BBS12: variants seen among roughly 807,000 people sequenced by gnomAD.
The protein encoded by BBS12 is chaperonin-containing T-complex member BBS12.
BBS12 carries 5 observed loss-of-function variants against 5.6 expected under a neutral mutation model. The observed-to-expected ratio is 0.89, with a 90% confidence interval of 0.46 to 1.86. The LOEUF (loss-of-function observed/expected upper bound fraction) is 1.86, where lower values mean the gene tolerates loss of function less well. BBS12 is among the 40% of genes most tolerant of loss of function. The pLI is 0.01. For missense variants in BBS12, 748 were observed against 830.4 expected (o/e 0.90, Z 1.22); for synonymous variants, 308 against 306.8 (o/e 1.00, Z -0.04).
At chr4:122,718,971 C>T in the BBS12 span, among the ~76,000 whole-genome samples, 2 of 152,134 alleles carry the variant, frequency 1.3e-5, no homozygotes, top group East Asian at 1.9e-4. Context: ...AGGCGCCCAC[C>T]ACCATGCCCG....
At chr4:122,717,660 G>A in the BBS12 span, among the ~76,000 whole-genome samples, 1 of 152,148 alleles carries the variant, frequency 6.6e-6, no homozygotes, top group Admixed American at 6.6e-5. Flanking sequence ...CCCCTGAGTA[G>A]CTGGGACCAC....
chr4:122,739,760 G>A (rs1263977971), intron 1 of BBS12, among the ~76,000 whole-genome samples: 1 of 152,236 alleles, frequency 6.6e-6, no homozygotes, highest in African/African-American at 2.4e-5. Flanking sequence ...GCGAAGCTCA[G>A]TGGCAGTCAG....
At chr4:122,711,487 T>C in the BBS12 span, among the ~76,000 whole-genome samples, 14 of 152,202 alleles carry the variant, frequency 9.2e-5, no homozygotes, top group Non-Finnish European at 1.8e-4. Flanking sequence ...TTTGTGTCAT[T>C]TGGTCCCAGC....
In BBS12 at chr4:122,743,685, A is replaced by G. The variant is rs750031373; in HGVS notation, c.1793A>G (p.Tyr598Cys). The change falls in exon 2 of 2, where the codon TAC (tyrosine) becomes TGC (cysteine). Residue 598 changes from tyrosine to cysteine, a missense_variant. By Grantham distance (194) the Tyr-to-Cys change is radical (BLOSUM62 -2). Transcript: ENST00000314218. ...LKFLANGWQKYLSTLLYNTAN... is the reference protein window; with the variant it reads ...LKFLANGWQKCLSTLLYNTAN... ...TTCCTGGCAAATGGATGGCAGAAAT[A>G]CCTTTCAACTCTCCTATATAACACT... 20 of 1,614,082 alleles carry G rather than the reference A, an allele frequency of 1.2e-5. No homozygotes were observed. The highest frequency in any genetic ancestry group is 1.5e-5 in the Non-Finnish European group (18 of 1,180,028).
rs777777112 is a variant in BBS12, at chr4:122,743,251, G to A, written c.1359G>A (p.Gln453=). 1 of 1,614,206 alleles carries A rather than the reference G, an allele frequency of 6.2e-7. No homozygotes were observed. The highest frequency in any genetic ancestry group is 8.5e-7 in the Non-Finnish European group (1 of 1,180,038). The change falls in exon 2 of 2, where the codon CAG becomes CAA. Residue 453 remains glutamine (Q), a synonymous_variant. Coordinates refer to ENST00000314218, the MANE Select transcript of BBS12 (RefSeq NM_152618.3). ...QAFAEAAGAV[Q]VAYITQVNED... is the part of the protein sequence containing the mutation. ...TTGCAGAGGCTGCAGGAGCAGTACA[G>A]GTGGCCTACATTACACAAGTGAATG... is the stretch of plus-strand genomic sequence containing the variant.
At chr4:122,720,824 C>A in the BBS12 span, among the ~76,000 whole-genome samples, 1 of 150,590 alleles carries the variant, frequency 6.6e-6, no homozygotes, top group African/African-American at 2.4e-5. Flanking sequence ...GAAAACCACA[C>A]TTGGGTACAT....
chr4:122,716,740 T>C, the BBS12 span, among the ~76,000 whole-genome samples: 25,452 of 96,822 alleles, frequency 0.26, 7,401 homozygotes, highest in East Asian at 0.68. Flanking sequence ...CACACACGTG[T>C]GTGTGTATAT....
upstream of BBS12, chr4:122,729,329 C>T (rs1367464120): frequency 6.6e-6 from 1 of 152,266 alleles, no homozygotes; most frequent in Non-Finnish European, 1.5e-5. Flanking sequence ...AGGCCCAAGG[C>T]CCACTCTCAA....
At chr4:122,716,640 C>A in the BBS12 span, among the ~76,000 whole-genome samples, 59 of 80,686 alleles carry the variant, frequency 7.3e-4, 2 homozygotes, top group South Asian at 5.2e-3. Flanking sequence ...TATGTATATA[C>A]ACACGTGTGT....
chr4:122,708,882 T>G, the BBS12 span, among the ~76,000 whole-genome samples: 1 of 152,080 alleles, frequency 6.6e-6, no homozygotes, highest in African/African-American at 2.4e-5. Context: ...TTAATAAATA[T>G]GTTAATATTG....
chr4:122,707,929 C>T, the BBS12 span, among the ~76,000 whole-genome samples: 5 of 151,624 alleles, frequency 3.3e-5, no homozygotes, highest in Admixed American at 3.3e-4. Context: ...TAAAACACAT[C>T]AAGACACTCC....
chr4:122,743,409 AC>A lies in BBS12; in HGVS notation c.1520del (p.Pro507GlnfsTer24). ...AATTTGGTTACGGCCGTGCTCACTA[AC>A]CCAGTTACTGCACAGATGCAAATCA... The part of the protein sequence containing the change: ...GINLVTAVLT[N>X]PVTAQMQIKE... On this transcript the variant is annotated frameshift_variant, in exon 2 of 2. Transcript: ENST00000314218. LOFTEE classifies it low-confidence loss of function (END_TRUNC). The A allele has an allele frequency of 6.2e-7, 1 of 1,614,170 alleles. No individual in the cohort carries two copies. The highest frequency in any genetic ancestry group is 1.1e-5 in the South Asian group (1 of 91,084).
Position 122,744,061 on chromosome 4 carries a change from T to C in BBS12, c.*36T>C, listed in dbSNP as rs778632913. 31 of 1,574,312 alleles carry C rather than the reference T, an allele frequency of 2.0e-5. No individual in the cohort carries two copies. The South Asian group carries it at 3.2e-4, about 16-fold the overall frequency. ...TAAGTCTTTGGAAAATAATTTTTCA[T>C]AATATGTCATGCTAATAATAAATAT... On this transcript the variant is annotated 3_prime_UTR_variant, in exon 2 of 2. Transcript: ENST00000314218.
At chr4:122,703,088 G>T in the BBS12 span, among the ~76,000 whole-genome samples, 2 of 152,200 alleles carry the variant, frequency 1.3e-5, no homozygotes, top group African/African-American at 4.8e-5. Flanking sequence ...TTGCAATCCT[G>T]ATTAGGTAGG....
At position 122,742,533 on chromosome 4, in the gene BBS12, G is replaced by A. The variant is rs928199736; in HGVS notation, c.641G>A (p.Arg214Gln). ...TKVEADNNTS[R>Q]TLKNSLLADT... ...GTTGAAGCAGATAACAACACATCAC[G>A]AACTCTGAAAAACAGCCTGCTTGCA... The change falls in exon 2 of 2, where the codon CGA becomes CAA. Residue 214 changes from arginine (R) to glutamine (Q), a missense_variant. Arg to Gln is a conservative substitution (Grantham distance 43, BLOSUM62 1). Transcript: ENST00000314218. 7.4e-6 allele frequency: 12 copies of A among 1,613,978 alleles called. No individual in the cohort carries two copies. The highest frequency in any genetic ancestry group is 3.3e-5 in the Admixed American group (2 of 59,988).
At chr4:122,731,582 AT>A (rs1394610334), upstream of BBS12, 1 of 152,228 alleles carries the variant, frequency 6.6e-6, no homozygotes, top group Admixed American at 6.5e-5. Context: ...GCAAAAAAAA[AT>A]CTTCAAAACT....
the BBS12 span, among the ~76,000 whole-genome samples, chr4:122,720,133 A>C: frequency 6.6e-6 from 1 of 152,264 alleles, no homozygotes; most frequent in Non-Finnish European, 1.5e-5. Flanking sequence ...ACATTGAAGT[A>C]ATCAGACAGG....
At chr4:122,714,801 C>T in the BBS12 span, among the ~76,000 whole-genome samples, 3 of 152,074 alleles carry the variant, frequency 2.0e-5, no homozygotes, top group East Asian at 5.8e-4. Flanking sequence ...TAAAAGAATG[C>T]TTATACATGC....
the BBS12 span, among the ~76,000 whole-genome samples, chr4:122,707,076 T>TTTTC: frequency 2.8e-5 from 4 of 143,704 alleles, no homozygotes; most frequent in East Asian, 2.0e-4. Flanking sequence ...TTTTTTTTTT[T>TTTTC]CAGAGAGAGA....
Sources: gnomAD v4.1 joint callset for allele counts (sites outside exome capture counted in the v4.1 genomes callset) on GRCh38, gnomAD v4.1.1 for gene constraint, MANE v1.5 for transcripts, NCBI Gene and HGNC (gene_info 2026-07-23, HGNC 2026-07-21) for gene names.